The following CIB4 variants were observed in gnomAD, a reference collection of about 807,000 sequenced individuals.
The protein encoded by CIB4 is calcium and integrin-binding family member 4.
A neutral mutation model predicts 25.8 loss-of-function variants in CIB4; 25 were observed. The ratio of observed to expected loss-of-function variants is 0.97; its 90% confidence interval spans 0.71 to 1.35. The LOEUF is 1.35. Ranked by LOEUF, CIB4 falls within the 40% of genes most tolerant of loss-of-function variation. CIB4 has a pLI of 0.00. For missense variants in CIB4, 235 were observed against 228.2 expected, an observed-to-expected ratio of 1.03 and a Z score of -0.19; for synonymous variants, 75 against 81.4, an observed-to-expected ratio of 0.92 and a Z score of 0.42.
intron 3 of CIB4, among the ~76,000 whole-genome samples, chr2:26,628,171 A>C (rs1669344993): frequency 6.6e-6 from 1 of 152,212 alleles, no homozygotes; most frequent in South Asian, 2.1e-4. Flanking sequence ...TTTAATTAAA[A>C]TCTCAGGAGT....
intron 3 of CIB4, among the ~76,000 whole-genome samples, chr2:26,602,398 A>G (rs1276324741): frequency 2.0e-5 from 3 of 152,224 alleles, no homozygotes; most frequent in Non-Finnish European, 2.9e-5. Flanking sequence ...TCACAGGGTT[A>G]TGGATTAGCA....
Position 26,595,192 on chromosome 2 carries a change from A to G in CIB4, c.312T>C (p.Tyr104=), listed in dbSNP as rs147469448. 218 of 1,611,470 alleles carry G rather than the reference A, an allele frequency of 1.4e-4. No individual in the cohort carries two copies. The highest frequency in any genetic ancestry group is 1.7e-4 in the Non-Finnish European group (200 of 1,177,892). The part of the protein sequence containing the change: ...EQACPSLKIE[Y]AFRIYDFNEN... ...AGCACCTACCATAGATGCGAAAGGCATACTCAATCTTCAGGCTTGGGCAGG... is the reference window on the plus strand; with the variant it reads ...AGCACCTACCATAGATGCGAAAGGCGTACTCAATCTTCAGGCTTGGGCAGG... Residue 104 remains tyrosine, a synonymous_variant, in exon 4 of 7, where the codon TAT becomes TAC. Transcript: ENST00000288861.
intron 2 of CIB4, among the ~76,000 whole-genome samples, chr2:26,637,273 G>A (rs938916398): frequency 4.6e-5 from 7 of 151,972 alleles, no homozygotes; most frequent in Non-Finnish European, 1.0e-4. Flanking sequence ...CTGCGTTCTC[G>A]ATTCCATCAT....
At chr2:26,613,219 T>C (rs1669030073) in intron 3 of CIB4, among the ~76,000 whole-genome samples, 1 of 152,168 alleles carries the variant, frequency 6.6e-6, no homozygotes, top group African/African-American at 2.4e-5. Context: ...CTCCTCTCTC[T>C]GTTAGGAAAT....
chr2:26,612,592 A>G (rs1669016308), intron 3 of CIB4, among the ~76,000 whole-genome samples: 1 of 151,150 alleles, frequency 6.6e-6, no homozygotes, highest in Non-Finnish European at 1.5e-5. Context: ...AAGTGGGACC[A>G]CTGCCAACTG....
chr2:26,633,985 C>G (rs1438322007), intron 2 of CIB4, among the ~76,000 whole-genome samples: 4 of 152,206 alleles, frequency 2.6e-5, no homozygotes, highest in Non-Finnish European at 5.9e-5. Context: ...TCGTGCCTCT[C>G]TCTGGCATCC....
intron 3 of CIB4, among the ~76,000 whole-genome samples, chr2:26,604,426 G>A (rs903005569): frequency 6.6e-6 from 1 of 151,952 alleles, no homozygotes; most frequent in Admixed American, 6.6e-5. Context: ...CCAGAGGCAG[G>A]AAACACACAG....
chr2:26,611,941 A>G (rs570245222), intron 3 of CIB4, among the ~76,000 whole-genome samples: 15 of 152,348 alleles, frequency 9.8e-5, no homozygotes, highest in Non-Finnish European at 2.1e-4. Flanking sequence ...GCAAAAGAAA[A>G]TAGAAAATGA....
intron 2 of CIB4, among the ~76,000 whole-genome samples, chr2:26,633,394 C>G (rs1003672519): frequency 6.6e-6 from 1 of 152,212 alleles, no homozygotes; most frequent in African/African-American, 2.4e-5. Context: ...TAAGGTTATA[C>G]AGCTGGGAAG....
At chr2:26,612,056 A>G (rs1159080327) in intron 3 of CIB4, among the ~76,000 whole-genome samples, 1 of 152,262 alleles carries the variant, frequency 6.6e-6, no homozygotes, top group Non-Finnish European at 1.5e-5. Flanking sequence ...ATTAAAAAAG[A>G]AAGTGCACTC....
At chr2:26,601,231 A>AAAATATAT (rs1395827334) in intron 3 of CIB4, among the ~76,000 whole-genome samples, 18 of 17,214 alleles carry the variant, frequency 1.0e-3, no homozygotes, top group African/African-American at 2.7e-3. Context: ...AAAAAAAAAA[A>AAAATATAT]ATATATATAT....
At chr2:26,635,000 G>C (rs1669504199) in intron 2 of CIB4, among the ~76,000 whole-genome samples, 1 of 152,216 alleles carries the variant, frequency 6.6e-6, no homozygotes, top group Non-Finnish European at 1.5e-5. Context: ...AAGCCACATG[G>C]GCCCTCTTTG....
chr2:26,591,412 G>A (rs1668583632), intron 4 of CIB4, among the ~76,000 whole-genome samples: 1 of 152,200 alleles, frequency 6.6e-6, no homozygotes, highest in African/African-American at 2.4e-5. Flanking sequence ...GAGAAGGAAA[G>A]CCCACAGAGA....
At chr2:26,589,054 T>TTCTTCTTCC (rs1668520926) in intron 4 of CIB4, among the ~76,000 whole-genome samples, 1 of 39,958 alleles carries the variant, frequency 2.5e-5, no homozygotes, top group African/African-American at 1.1e-4. Flanking sequence ...CTTCTTCTTC[T>TTCTTCTTCC]TCTTCCTCTT....
chr2:26,592,418 A>G (rs12473099), intron 4 of CIB4, among the ~76,000 whole-genome samples: 2 of 152,238 alleles, frequency 1.3e-5, no homozygotes, highest in Non-Finnish European at 2.9e-5. Context: ...GGTGGGGCCC[A>G]TGAAGCCAAC....
chr2:26,608,239 CAAAAAA>C (rs34295840), intron 3 of CIB4, among the ~76,000 whole-genome samples: 2 of 123,588 alleles, frequency 1.6e-5, no homozygotes, highest in Admixed American at 8.0e-5. Context: ...GACTCTGTCT[CAAAAAA>C]AAAAAAAAAA....
chr2:26,595,226 C>T lies in CIB4; in HGVS notation c.278G>A (p.Ser93Asn). 1 of 1,614,144 alleles carries T rather than the reference C, an allele frequency of 6.2e-7. No individual in the cohort carries two copies. The highest frequency in any genetic ancestry group is 8.5e-7 in the Non-Finnish European group (1 of 1,179,976). The change falls in exon 4 of 7, where the codon AGC becomes AAC. Residue 93 changes from serine to asparagine, a missense_variant. Ser to Asn is a conservative substitution (Grantham distance 46, BLOSUM62 1). Coordinates refer to ENST00000288861, the MANE Select transcript of CIB4 (RefSeq NM_001029881.3). ...EDVLGMASVF[S>N]EQACPSLKIE... is the part of the protein sequence containing the mutation. ...CTTCAGGCTTGGGCAGGCCTGCTCG[C>T]TGAACACAGATGCCATGCCCAGCAC...
At chr2:26,584,772 T>C (rs1002500762) in intron 4 of CIB4, among the ~76,000 whole-genome samples, 3 of 152,090 alleles carry the variant, frequency 2.0e-5, no homozygotes, top group Admixed American at 2.0e-4. Context: ...GGCCCTGGTG[T>C]GCACAGAGGG....
intron 1 of CIB4, 130 bp from the exon 2 acceptor site, chr2:26,640,697 G>T: frequency 1.1e-6 from 1 of 938,372 alleles, no homozygotes; most frequent in Non-Finnish European, 1.6e-6. Flanking sequence ...GGAACCCCAG[G>T]TTGAGGTGGA....
Sources: allele counts gnomAD v4.1 joint callset (sites outside exome capture counted in the v4.1 genomes callset), GRCh38; gene constraint gnomAD v4.1.1; transcripts MANE v1.5; gene names NCBI Gene and HGNC (gene_info 2026-07-23, HGNC 2026-07-21).